The following DIS3L2 variants were observed in gnomAD, a reference collection of about 807,000 sequenced individuals.
DIS3L2 encodes DIS3-like exonuclease 2.
In DIS3L2, 34 loss-of-function variants were observed where a neutral mutation model predicts 97.5. That is an observed-to-expected ratio of 0.35 (90% CI 0.27 to 0.46). The LOEUF is 0.46. DIS3L2 is among the 20% of genes least tolerant of loss of function. DIS3L2 has a pLI of 1.00. For missense variants in DIS3L2, 1,038 were observed against 1,146.0 expected (o/e 0.91, Z 1.36); for synonymous variants, 435 against 445.2 (o/e 0.98, Z 0.29).
intron 1 of DIS3L2, among the ~76,000 whole-genome samples, chr2:232,004,437 C>T (rs1225866197): frequency 2.0e-5 from 3 of 151,934 alleles, no homozygotes; most frequent in African/African-American, 7.3e-5. Context: ...TTTGTTCAGT[C>T]TTCTTTCTGT....
chr2:232,314,755 C>T (rs1695224771), intron 14 of DIS3L2, among the ~76,000 whole-genome samples: 1 of 152,260 alleles, frequency 6.6e-6, no homozygotes. Flanking sequence ...TGGACTGCAG[C>T]TCCCTCCATT....
chr2:232,083,073 C>CA (rs1402144068), intron 5 of DIS3L2, among the ~76,000 whole-genome samples: 4 of 151,442 alleles, frequency 2.6e-5, no homozygotes, highest in South Asian at 2.1e-4. Flanking sequence ...GACCCACCCC[C>CA]CCATGATTCA....
chr2:232,251,946 G>C (rs1284224945), intron 12 of DIS3L2, among the ~76,000 whole-genome samples: 1 of 152,190 alleles, frequency 6.6e-6, no homozygotes, highest in Non-Finnish European at 1.5e-5. Context: ...AAATGAAGGA[G>C]GAGTAAATGA....
At chr2:232,095,528 TGTTGTA>T (rs2106317862) in intron 6 of DIS3L2, among the ~76,000 whole-genome samples, 1 of 152,310 alleles carries the variant, frequency 6.6e-6, no homozygotes, top group African/African-American at 2.4e-5. Flanking sequence ...CTTGAATAGT[TGTTGTA>T]GTTATTATTT....
chr2:232,024,532 A>G (rs1694606790), intron 4 of DIS3L2, among the ~76,000 whole-genome samples: 1 of 152,196 alleles, frequency 6.6e-6, no homozygotes, highest in Non-Finnish European at 1.5e-5. Context: ...CGCATGCCAA[A>G]TGAAAGGGAT....
At chr2:232,030,621 T>G (rs1368178868) in intron 5 of DIS3L2, among the ~76,000 whole-genome samples, 1 of 152,200 alleles carries the variant, frequency 6.6e-6, no homozygotes, top group East Asian at 1.9e-4. Flanking sequence ...ATTTTGGGTT[T>G]CGGTCTCCAT....
Position 232,003,450 on chromosome 2 carries a change from T to C in DIS3L2, c.-93-11385T>C, listed in dbSNP as rs563352877. Among the ~76,000 whole-genome samples, 10 of 152,364 alleles carry C rather than the reference T, an allele frequency of 6.6e-5. No individual in the cohort carries two copies. The South Asian group carries it at 2.1e-3, about 32-fold the overall frequency. On this transcript the variant is annotated intron_variant, in intron 1 of 20. Transcript: ENST00000325385. ...CCCCATACTTGATTGTTAGTTTGACTGCATATAGAATTGCAGATTAGAAAT... is the reference window on the plus strand; with the variant it reads ...CCCCATACTTGATTGTTAGTTTGACCGCATATAGAATTGCAGATTAGAAAT...
intron 9 of DIS3L2, among the ~76,000 whole-genome samples, chr2:232,203,530 A>G (rs1381496507): frequency 6.6e-6 from 1 of 152,232 alleles, no homozygotes; most frequent in Non-Finnish European, 1.5e-5. Context: ...GTGCTCCACA[A>G]GAGCCCTTTG....
chr2:231,970,643 G>C (rs2106163104), intron 1 of DIS3L2, among the ~76,000 whole-genome samples: 1 of 152,314 alleles, frequency 6.6e-6, no homozygotes, highest in South Asian at 2.1e-4. Context: ...TTGCTCGGGT[G>C]AGTCAGTGAG....
chr2:232,208,114 T>G (rs547624431), intron 9 of DIS3L2, among the ~76,000 whole-genome samples: 15 of 152,374 alleles, frequency 9.8e-5, no homozygotes, highest in Admixed American at 2.0e-4. Flanking sequence ...GACCTTCTTT[T>G]GCTGTATGTA....
intron 10 of DIS3L2, among the ~76,000 whole-genome samples, chr2:232,226,352 G>A (rs993323153): frequency 9.9e-5 from 15 of 152,180 alleles, no homozygotes; most frequent in Non-Finnish European, 5.9e-5. Flanking sequence ...TCTAATCCTG[G>A]CTTTGCCATT....
intron 6 of DIS3L2, among the ~76,000 whole-genome samples, chr2:232,091,518 G>A (rs1239279426): frequency 1.3e-5 from 2 of 152,134 alleles, no homozygotes; most frequent in African/African-American, 2.4e-5. Flanking sequence ...GCACTCCATC[G>A]TGTATATCTG....
chr2:232,104,428 T>TA (rs910605863), intron 6 of DIS3L2, among the ~76,000 whole-genome samples: 35 of 151,888 alleles, frequency 2.3e-4, no homozygotes, highest in African/African-American at 7.2e-4. Context: ...TTTATTGTGG[T>TA]AAAAAAAAAT....
At chr2:232,274,935 A>G (rs1454550251) in intron 13 of DIS3L2, among the ~76,000 whole-genome samples, 1 of 152,078 alleles carries the variant, frequency 6.6e-6, no homozygotes, top group Non-Finnish European at 1.5e-5. Flanking sequence ...ATTTTGTTTG[A>G]TCTCAAACCA....
chr2:231,991,382 C>G (rs1693583338), intron 1 of DIS3L2, among the ~76,000 whole-genome samples: 1 of 152,106 alleles, frequency 6.6e-6, no homozygotes, highest in South Asian at 2.1e-4. Context: ...AAATGATCCT[C>G]CTACTTCAGT....
rs748516199 is a variant in DIS3L2, at chr2:232,294,552, G to T, written c.1660-5488G>T. Reference sequence around the variant, plus strand: ...ACCCTTATCCCTACCCAGACCCTTGGCTCTCCATTCCTTGACTTCTTTTTG... The same window carrying T: ...ACCCTTATCCCTACCCAGACCCTTGTCTCTCCATTCCTTGACTTCTTTTTG... On this transcript the variant is annotated intron_variant, in intron 13 of 20. Coordinates refer to ENST00000325385, the MANE Select transcript of DIS3L2 (RefSeq NM_152383.5). Among the ~76,000 whole-genome samples the T allele has an allele frequency of 1.0e-3, 153 of 152,052 alleles. 1 individual carries two copies. Among genetic ancestry groups the T allele is most frequent in the Non-Finnish European group, 3.4e-4 (23 of 68,012 alleles).
At chr2:232,299,046 G>A (rs1694793003) in intron 13 of DIS3L2, among the ~76,000 whole-genome samples, 1 of 152,244 alleles carries the variant, frequency 6.6e-6, no homozygotes, top group Non-Finnish European at 1.5e-5. Flanking sequence ...TCTCTCAGCA[G>A]TGGATCAGCC....
chr2:231,994,399 T>G (rs1285973979), intron 1 of DIS3L2, among the ~76,000 whole-genome samples: 1 of 152,180 alleles, frequency 6.6e-6, no homozygotes, highest in Non-Finnish European at 1.5e-5. Flanking sequence ...AAGATAAGCT[T>G]GTCTGTATCT....
Position 232,281,865 on chromosome 2 carries a change from C to G in DIS3L2, c.1660-18175C>G, listed in dbSNP as rs13411909. Among the ~76,000 whole-genome samples the G allele has an allele frequency of 6.6e-6, 1 of 151,954 alleles. No homozygotes were observed. The highest frequency in any genetic ancestry group is 1.9e-4 in the East Asian group (1 of 5,186). ...TCTACCTTGCCACAGGCTGCTGCCT[C>G]TGAGTTAAAGAGACATGGGAAGCAT... On this transcript the variant is annotated intron_variant, in intron 13 of 20. Transcript: ENST00000325385. This position sits in a 1 kb window ranked among gnomAD's most constrained non-coding sequence, Gnocchi z 4.1.
Sources: gnomAD v4.1 joint callset for allele counts (sites outside exome capture counted in the v4.1 genomes callset) on GRCh38, gnomAD v4.1.1 for gene constraint, Gnocchi (gnomAD v3.1) non-coding constraint, MANE v1.5 for transcripts, NCBI Gene and HGNC (gene_info 2026-07-23, HGNC 2026-07-21) for gene names.